The following ASTN2 variants were observed in gnomAD, a reference collection of about 807,000 sequenced individuals.
ASTN2 encodes the protein astrotactin 2, also known as astrotactin-2.
In ASTN2, 54 loss-of-function variants were observed where a neutral mutation model predicts 139.8. The observed-to-expected ratio is 0.39, with a 90% CI of 0.31 to 0.48. The LOEUF (loss-of-function observed/expected upper bound fraction) is 0.48, where lower values mean the gene tolerates loss of function less well. Among genes scored for constraint, ASTN2 ranks in the 20% least tolerant of loss-of-function variants. The pLI is 0.95. For synonymous variants in ASTN2, 756 were observed against 719.5 expected (o/e 1.05, Z -0.81); for missense variants, 1,565 against 1,725.1 (o/e 0.91, Z 1.64).
intron 4 of ASTN2, among the ~76,000 whole-genome samples, chr9:117,121,196 T>C (rs73657656): frequency 0.027 from 4,041 of 152,320 alleles, 171 homozygotes; most frequent in African/African-American, 0.091. Context: ...ACATGGACCA[T>C]CTAGATATTT....
intron 4 of ASTN2, among the ~76,000 whole-genome samples, chr9:117,137,600 T>C (rs1044698621): frequency 2.6e-5 from 4 of 152,230 alleles, no homozygotes; most frequent in Non-Finnish European, 5.9e-5. Context: ...TACATTGAGT[T>C]AAACAAAGCA....
intron 12 of ASTN2, among the ~76,000 whole-genome samples, chr9:116,815,780 G>T (rs1337575183): frequency 9.0e-6 from 1 of 110,694 alleles, no homozygotes; most frequent in Non-Finnish European, 1.7e-5. Flanking sequence ...ACTCCAGCCT[G>T]GGCAACAGAG....
chr9:116,620,821 GA>G (rs1211695997), intron 17 of ASTN2, among the ~76,000 whole-genome samples: 1 of 152,206 alleles, frequency 6.6e-6, no homozygotes, highest in Non-Finnish European at 1.5e-5. Context: ...TAACTTGACT[GA>G]GGTTTACGAT....
At chr9:117,400,777 G>C (rs1020569073) in intron 1 of ASTN2, among the ~76,000 whole-genome samples, 1 of 152,126 alleles carries the variant, frequency 6.6e-6, no homozygotes, top group African/African-American at 2.4e-5. Context: ...GGATCACTTA[G>C]TTTAATCTCA....
At chr9:117,390,457 A>G (rs187422913) in intron 1 of ASTN2, among the ~76,000 whole-genome samples, 1 of 152,314 alleles carries the variant, frequency 6.6e-6, no homozygotes, top group Admixed American at 6.5e-5. Context: ...TATCATACAG[A>G]ATCGTTTCAC....
Position 117,116,937 on chromosome 9 carries a change from T to C in ASTN2, c.1169-20786A>G, listed in dbSNP as rs201422865. 3.3e-5 allele frequency among the ~76,000 whole-genome samples: 5 copies of C among 151,274 alleles called. No homozygotes were observed. The East Asian group carries it at 9.8e-4, about 30-fold the overall frequency. On this transcript the variant is annotated intron_variant, in intron 4 of 22. Coordinates refer to ENST00000313400, the MANE Select transcript of ASTN2 (RefSeq NM_001365068.1). ...TAAGCAGAATGTCCTATTACTGATG[T>C]ATAAAGCTTTATGCTTGGGAGATGA...
chr9:116,591,211 C>A (rs182796910), intron 19 of ASTN2, among the ~76,000 whole-genome samples: 1 of 152,188 alleles, frequency 6.6e-6, no homozygotes, highest in Non-Finnish European at 1.5e-5. Context: ...CTCTTTGGGG[C>A]TCTGGTATCT....
chr9:116,529,063 T>C lies in ASTN2; in HGVS notation c.3356-41563A>G, dbSNP rs145858688. 2.7e-3 allele frequency among the ~76,000 whole-genome samples: 415 copies of C among 152,266 alleles called. 1 individual carries two copies. Among genetic ancestry groups the C allele is most frequent in the Admixed American group, 0.011 (169 of 15,296 alleles). On this transcript the variant is annotated intron_variant, in intron 19 of 22. Coordinates refer to ENST00000313400, the MANE Select transcript of ASTN2 (RefSeq NM_001365068.1). ...GTGTCACCACTGGCTCACTGCCTAG[T>C]TGAGCTGTGAGAAGAGAGCCACCAT... is the stretch of plus-strand genomic sequence containing the variant.
intron 19 of ASTN2, among the ~76,000 whole-genome samples, chr9:116,505,562 T>C (rs564058645): frequency 9.2e-5 from 14 of 152,226 alleles, no homozygotes; most frequent in Non-Finnish European, 1.8e-4. Flanking sequence ...AGTATTACCA[T>C]TTTAATAGAA....
chr9:117,219,086 G>A (rs1367906099), intron 2 of ASTN2, among the ~76,000 whole-genome samples: 2 of 152,126 alleles, frequency 1.3e-5, no homozygotes, highest in African/African-American at 4.8e-5. Context: ...ACAAGCAAAG[G>A]AGCTCAAGAG....
At chr9:116,897,679 G>C (rs915457934) in intron 10 of ASTN2, among the ~76,000 whole-genome samples, 1 of 151,746 alleles carries the variant, frequency 6.6e-6, no homozygotes, top group African/African-American at 2.4e-5. Context: ...ATCTATATGT[G>C]TCACCATGAA....
At chr9:117,039,608 TA>T (rs958230798) in intron 6 of ASTN2, among the ~76,000 whole-genome samples, 2 of 151,874 alleles carry the variant, frequency 1.3e-5, no homozygotes, top group Admixed American at 6.6e-5. Context: ...AAAAAAAAAT[TA>T]AAAAAAATAA....
At chr9:116,773,020 A>T (rs1300762806) in intron 13 of ASTN2, among the ~76,000 whole-genome samples, 3 of 152,056 alleles carry the variant, frequency 2.0e-5, no homozygotes, top group African/African-American at 7.2e-5. Flanking sequence ...AAGCGAAGAA[A>T]CTGAGCTGGC....
intron 15 of ASTN2, among the ~76,000 whole-genome samples, chr9:116,726,381 A>C (rs143912589): frequency 1.1e-3 from 167 of 152,298 alleles, no homozygotes; most frequent in African/African-American, 3.8e-3. Flanking sequence ...ATAATGAGCA[A>C]GTCAAAGCTG....
chr9:116,782,725 C>T (rs1564264558), intron 13 of ASTN2, among the ~76,000 whole-genome samples: 2 of 152,294 alleles, frequency 1.3e-5, no homozygotes, highest in East Asian at 1.9e-4. Flanking sequence ...ACATTTAGGG[C>T]AATGTGCTCT....
rs562816123 is a variant in ASTN2 at position 116,817,102 on chromosome 9, A to G, written c.2207+3515T>C. ...GAGGTCAGGAGATCGAGACCATTCTAGCTAACACGCTGAAACCCCATCTCT... is the reference window on the plus strand; with the variant it reads ...GAGGTCAGGAGATCGAGACCATTCTGGCTAACACGCTGAAACCCCATCTCT... On this transcript the variant is annotated intron_variant, in intron 12 of 22. Transcript: ENST00000313400. Among the ~76,000 whole-genome samples, 877 of 151,858 alleles carry G rather than the reference A, an allele frequency of 5.8e-3. 2 individuals are homozygous for G. Among genetic ancestry groups the G allele is most frequent in the Non-Finnish European group, 0.01 (691 of 67,894 alleles).
intron 3 of ASTN2, among the ~76,000 whole-genome samples, chr9:117,159,178 T>C (rs1332204357): frequency 6.6e-6 from 1 of 152,076 alleles, no homozygotes; most frequent in Non-Finnish European, 1.5e-5. Context: ...TTTCCAATTA[T>C]GACCACTATC....
intron 13 of ASTN2, among the ~76,000 whole-genome samples, chr9:116,789,910 TTC>T (rs1015555514): frequency 4.1e-5 from 6 of 145,226 alleles, no homozygotes; most frequent in African/African-American, 1.6e-4. Flanking sequence ...AACCTGACTT[TTC>T]TCTTTCTCTT....
At chr9:116,948,785 G>GTTTTTTTTTTTGTTTTTTTTTTTTT (rs1835471236) in intron 10 of ASTN2, among the ~76,000 whole-genome samples, 1 of 49,474 alleles carries the variant, frequency 2.0e-5, no homozygotes, top group African/African-American at 8.6e-5. Flanking sequence ...ATAATTTGGT[G>GTTTTTTTTTTTGTTTTTTTTTTTTT]TTTTTTTTTT....
Sources: allele counts gnomAD v4.1 joint callset (sites outside exome capture counted in the v4.1 genomes callset), GRCh38; gene constraint gnomAD v4.1.1; transcripts MANE v1.5; gene names NCBI Gene and HGNC (gene_info 2026-07-23, HGNC 2026-07-21).